Variants in TMEM236 observed in about 807,000 individuals in gnomAD.
TMEM236 encodes transmembrane protein 236.
Under a neutral mutation model 14.7 loss-of-function variants are expected in TMEM236, and 11 were observed. That is an observed-to-expected ratio of 0.75 (90% CI 0.47 to 1.24). The LOEUF (loss-of-function observed/expected upper bound fraction) is 1.24, where lower values mean the gene tolerates loss of function less well. TMEM236 is among the 50% of genes most tolerant of loss of function. TMEM236 has a pLI of 0.00. For synonymous variants in TMEM236, 182 were observed against 168.6 expected, an observed-to-expected ratio of 1.08 and a Z score of -0.62; for missense variants, 464 against 427.3, an observed-to-expected ratio of 1.09 and a Z score of -0.76.
chr10:17,792,814 A>G (rs1288260416), intron 3 of TMEM236, among the ~76,000 whole-genome samples: 1 of 152,254 alleles, frequency 6.6e-6, no homozygotes, highest in Non-Finnish European at 1.5e-5. Context: ...TTACCCAAAC[A>G]GAACAAATAA....
chr10:17,789,412 T>C (rs1554835901), intron 3 of TMEM236, among the ~76,000 whole-genome samples: 1 of 152,248 alleles, frequency 6.6e-6, no homozygotes, highest in East Asian at 1.9e-4. Context: ...ATTATTTCAC[T>C]ATTGCTACTT....
chr10:17,765,645 C>T (rs1201148980), intron 1 of TMEM236, among the ~76,000 whole-genome samples: 3 of 152,114 alleles, frequency 2.0e-5, no homozygotes, highest in Non-Finnish European at 4.4e-5. Flanking sequence ...GGGTCCCATG[C>T]AAGTTCAAAA....
At chr10:17,776,673 A>T (rs1837662639) in intron 3 of TMEM236, among the ~76,000 whole-genome samples, 1 of 152,098 alleles carries the variant, frequency 6.6e-6, no homozygotes, top group African/African-American at 2.4e-5. Flanking sequence ...AGTGGCTCAC[A>T]CCTGTAATCC....
chr10:17,753,147 GC>G (rs1397142668), intron 1 of TMEM236, among the ~76,000 whole-genome samples: 1 of 152,006 alleles, frequency 6.6e-6, no homozygotes, highest in Non-Finnish European at 1.5e-5. Context: ...ACCCATCTTG[GC>G]CTCCCAAAGT....
At chr10:17,781,515 TG>T (rs1201261585) in intron 3 of TMEM236, among the ~76,000 whole-genome samples, 2 of 150,344 alleles carry the variant, frequency 1.3e-5, no homozygotes, top group Non-Finnish European at 3.0e-5. Flanking sequence ...AGGTTGGGGG[TG>T]GGGGGGATCA....
Position 17,796,300 on chromosome 10 carries a change from C to A in TMEM236, c.852C>A (p.Pro284=). The stretch of plus-strand genomic sequence containing the variant: ...CTCTCCTTCGAATTACATTCACTCC[C>A]CAAAACCCTCTTCTCAATTCCCTGA... The part of the protein sequence containing the change: ...FISLLRITFT[P]QNPLLNSLSV... Residue 284 remains proline (P), a synonymous_variant, in exon 4 of 4, where the codon CCC becomes CCA. Transcript: ENST00000377495. 1 of 1,613,928 alleles carries A rather than the reference C, an allele frequency of 6.2e-7. No homozygotes were observed. The highest frequency in any genetic ancestry group is 8.5e-7 in the Non-Finnish European group (1 of 1,179,848).
chr10:17,759,982 C>CA (rs35596189), intron 1 of TMEM236, among the ~76,000 whole-genome samples: 17,694 of 54,536 alleles, frequency 0.32, 4,726 homozygotes, highest in Non-Finnish European at 0.35. Context: ...GACTCCGTCT[C>CA]AAAAAAAAAA....
chr10:17,765,542 G>A (rs1837448746), intron 1 of TMEM236, among the ~76,000 whole-genome samples: 1 of 152,142 alleles, frequency 6.6e-6, no homozygotes, highest in South Asian at 2.1e-4. Flanking sequence ...TGTGAAGCTG[G>A]ACAAAAAGTT....
chr10:17,798,628 T>G lies in TMEM236; in HGVS notation c.*2124T>G, dbSNP rs1330198905. The G allele has an allele frequency of 1.9e-6, 1 of 529,126 alleles. No individual in the cohort carries two copies. The highest frequency in any genetic ancestry group is 3.9e-6 in the Non-Finnish European group (1 of 256,720). The allele number at this position is 529,126 out of a possible 1,614,324, so 32.8% of individuals were successfully genotyped here. ...ACCCTGTCTCCCTTTCCCTCTGTTT[T>G]AGGATTTTTCTCACACTGTAAAAGA... is the stretch of plus-strand genomic sequence containing the variant. On this transcript the variant is annotated 3_prime_UTR_variant, in exon 4 of 4. Coordinates refer to ENST00000377495, the MANE Select transcript of TMEM236 (RefSeq NM_001098844.3).
intron 1 of TMEM236, among the ~76,000 whole-genome samples, chr10:17,766,329 A>T (rs1041952593): frequency 6.6e-6 from 1 of 152,174 alleles, no homozygotes; most frequent in South Asian, 2.1e-4. Context: ...CTGCCATTTC[A>T]TAGAAAGGAT....
chr10:17,753,023 AC>A (rs1837231919), intron 1 of TMEM236, among the ~76,000 whole-genome samples: 1 of 151,988 alleles, frequency 6.6e-6, no homozygotes, highest in Non-Finnish European at 1.5e-5. Context: ...GGTTTGTTGT[AC>A]AGATTATTTC....
At chr10:17,757,973 T>G (rs1232640295) in intron 1 of TMEM236, among the ~76,000 whole-genome samples, 1 of 152,076 alleles carries the variant, frequency 6.6e-6, no homozygotes, top group African/African-American at 2.4e-5. Context: ...TTCACCATAT[T>G]GGCCAGGCTA....
chr10:17,777,417 T>C (rs1188410798), intron 3 of TMEM236, among the ~76,000 whole-genome samples: 1 of 152,216 alleles, frequency 6.6e-6, no homozygotes, highest in Non-Finnish European at 1.5e-5. Flanking sequence ...AATCCTTTGC[T>C]ACATCTCTAG....
At chr10:17,787,373 G>T (rs1258005916) in intron 3 of TMEM236, among the ~76,000 whole-genome samples, 2 of 152,210 alleles carry the variant, frequency 1.3e-5, no homozygotes, top group East Asian at 3.8e-4. Context: ...GTCTTCCAGG[G>T]TATGTTAGTG....
intron 3 of TMEM236, among the ~76,000 whole-genome samples, chr10:17,785,022 T>C (rs904148457): frequency 2.0e-5 from 3 of 152,104 alleles, no homozygotes; most frequent in Non-Finnish European, 2.9e-5. Context: ...GATAGAAGCG[T>C]TAGGACTGAC....
At chr10:17,764,433 C>G (rs895841846) in intron 1 of TMEM236, among the ~76,000 whole-genome samples, 1 of 152,266 alleles carries the variant, frequency 6.6e-6, no homozygotes, top group South Asian at 2.1e-4. Flanking sequence ...CTACTGTGGT[C>G]GCAAACTTGC....
chr10:17,796,584 G>GGT lies in TMEM236; in HGVS notation c.*83_*84dup. On this transcript the variant is annotated 3_prime_UTR_variant, in exon 4 of 4. Transcript: ENST00000377495. ...ATCCTTCTTTTTTTCTTGGGGCGTAGGTGTTTGCACTATAAAGGAAATGAC... is the reference window on the plus strand; with the variant it reads ...ATCCTTCTTTTTTTCTTGGGGCGTAGGTGTGTTTGCACTATAAAGGAAATGAC... 7.8e-7 allele frequency: 1 copy of GGT among 1,284,972 alleles called. No individual in the cohort carries two copies. The highest frequency in any genetic ancestry group is 1.1e-6 in the Non-Finnish European group (1 of 889,126). 79.6% of individuals were successfully genotyped at this position (1,284,972 alleles called of 1,614,324 possible).
At chr10:17,758,687 C>T (rs1420384697) in intron 1 of TMEM236, among the ~76,000 whole-genome samples, 2 of 152,046 alleles carry the variant, frequency 1.3e-5, no homozygotes, top group Non-Finnish European at 2.9e-5. Flanking sequence ...AAAATGTGAT[C>T]GTGTTAAATC....
chr10:17,785,646 T>C (rs1391642923), intron 3 of TMEM236, among the ~76,000 whole-genome samples: 3 of 152,062 alleles, frequency 2.0e-5, no homozygotes, highest in African/African-American at 7.3e-5. Flanking sequence ...TAGCTTATTA[T>C]ACAAGATGAG....
Sources: gnomAD v4.1 joint callset for allele counts (sites outside exome capture counted in the v4.1 genomes callset) on GRCh38, gnomAD v4.1.1 for gene constraint, MANE v1.5 for transcripts, NCBI Gene and HGNC (gene_info 2026-07-23, HGNC 2026-07-21) for gene names.